The following MED12 variants were observed in gnomAD, a reference collection of about 807,000 sequenced individuals.
MED12 encodes the protein mediator complex subunit 12.
A neutral mutation model predicts 177.7 loss-of-function variants in MED12; 10 were observed. The observed-to-expected ratio is 0.06, with a 90% CI of 0.03 to 0.10. The LOEUF is 0.10. Among genes scored for constraint, MED12 ranks in the 10% least tolerant of loss-of-function variants. The pLI is 1.00. For synonymous variants in MED12, 641 were observed against 678.4 expected, an observed-to-expected ratio of 0.94 and a Z score of 0.86; for missense variants, 867 against 1,780.8, an observed-to-expected ratio of 0.49 and a Z score of 9.23.
In MED12 at chrX:71,122,766, T is replaced by A. The variant is rs764293738; in HGVS notation, c.1377T>A (p.Thr459=). ...TCACCATTGGACGGGTACTTCATAC[T>A]TTGGAAGTGCTGGACAGCCATAGTT... ...AGFTIGRVLH[T]LEVLDSHSFE... is the part of the protein sequence containing the mutation. Residue 459 remains threonine, a synonymous_variant, in exon 10 of 45, where the codon ACT becomes ACA. Transcript: ENST00000374080. 8.3e-7 allele frequency: 1 copy of A among 1,211,793 alleles called. No homozygotes were observed. The highest frequency in any genetic ancestry group is 1.1e-6 in the Non-Finnish European group (1 of 895,424).
intron 4 of MED12, 78 bp downstream of exon 4, chrX:71,120,248 C>T (rs1046331571): frequency 3.0e-4 from 312 of 1,026,755 alleles, no homozygotes; most frequent in Middle Eastern, 2.8e-4. Flanking sequence ...CATCCTCCTT[C>T]TTAATCTAGA....
At chrX:71,130,494 GGGCCGT>G (rs947958392) in intron 28 of MED12, among the ~76,000 whole-genome samples, 1 of 112,723 alleles carries the variant, frequency 8.9e-6, no homozygotes, top group Non-Finnish European at 1.9e-5. Context: ...GCCTAGGTGT[GGGCCGT>G]GTATATTTGG....
At position 71,128,022 on chromosome X, in the gene MED12, G is replaced by A. The variant is rs185658730; in HGVS notation, c.3111G>A (p.Thr1037=). The change falls in exon 22 of 45, where the codon ACG becomes ACA. Residue 1037 remains threonine, a synonymous_variant. Transcript: ENST00000374080. ...ENPAAHTFTY[T]GLGKSLSENP... Reference sequence around the variant, plus strand: ...CTGCAGCTCACACCTTCACCTACACGGGGCTAGGCAAGAGTCTTAGTGAGA... The same window carrying A: ...CTGCAGCTCACACCTTCACCTACACAGGGCTAGGCAAGAGTCTTAGTGAGA... The A allele has an allele frequency of 2.2e-5, 27 of 1,209,155 alleles. No individual in the cohort carries two copies. The highest frequency in any genetic ancestry group is 1.9e-4 in the African/African-American group (11 of 56,977).
Position 71,123,343 on chromosome X carries a change from A to G in MED12, c.1617+117A>G, listed in dbSNP as rs190007999. On this transcript the variant is annotated intron_variant, in intron 11 of 44. Transcript: ENST00000374080. ...GAGTTGAAGGTGTGAGAACAGAGTAAAGAAGCAAAAGAGAACCTAAAGGCA... is the reference window on the plus strand; with the variant it reads ...GAGTTGAAGGTGTGAGAACAGAGTAGAGAAGCAAAAGAGAACCTAAAGGCA... 1,268 of 1,012,167 alleles carry G rather than the reference A, an allele frequency of 1.3e-3. 10 individuals carry two copies. In the African/African-American group the frequency reaches 0.019, roughly 15 times the overall value. The allele number at this position is 1,012,167 out of a possible 1,213,427, so 83.4% of individuals were successfully genotyped here.
intron 31 of MED12, 137 bp downstream of exon 31, chrX:71,132,675 C>A: frequency 1.1e-6 from 1 of 894,074 alleles, no homozygotes; most frequent in Non-Finnish European, 1.6e-6. Flanking sequence ...CATGGCTGAG[C>A]AAGAGGCTAG....
At position 71,140,687 on chromosome X, in the gene MED12, A is replaced by G. The variant is rs372606012; in HGVS notation, c.6097A>G (p.Met2033Val). 4.9e-5 allele frequency: 59 copies of G among 1,207,745 alleles called. No homozygotes were observed. Among genetic ancestry groups the G allele is most frequent in the South Asian group, 1.9e-4 (11 of 56,641 alleles). ...ACCCATGATAAGTACCATGACTCCA[A>G]TGAGTGCCCAGGGCGTCCAGGCAGG... ...QTPMISTMTP[M>V]SAQGVQAGVR... is the part of the protein sequence containing the mutation. Residue 2033 changes from methionine (M) to valine (V), a missense_variant, in exon 42 of 45, where the codon ATG becomes GTG. Around this residue, in one of 14 missense-constraint regions of MED12, gnomAD observed 236 missense variants for 345.2 expected, o/e 0.68. Transcript: ENST00000374080.
At chrX:71,119,612 C>A in intron 2 of MED12, 74 bp from the exon 3 acceptor site, 1 of 1,137,251 alleles carries the variant, frequency 8.8e-7, no homozygotes, top group Non-Finnish European at 1.2e-6. Context: ...ATCTCATTGG[C>A]ATTTGCCCAG....
rs2092327006 is a variant in MED12, at chrX:71,134,391, C to T, written c.4652C>T (p.Thr1551Ile). 3 of 1,165,322 alleles carry T rather than the reference C, an allele frequency of 2.6e-6. No individual in the cohort carries two copies. Among genetic ancestry groups the T allele is most frequent in the South Asian group, 1.9e-5 (1 of 52,596 alleles). ...GGMFDTVQRSTQQTTEWAMLL... is the reference protein window; with the variant it reads ...GGMFDTVQRSIQQTTEWAMLL... ...ATGTTTGACACGGTGCAGCGCAGCA[C>T]CCAGCAGACCACGGAGTGGGCCATG... Residue 1551 changes from threonine to isoleucine, a missense_variant, in exon 34 of 45, where the codon ACC becomes ATC. Coordinates refer to ENST00000374080, the MANE Select transcript of MED12 (RefSeq NM_005120.3).
At chrX:71,125,623 G>T in intron 16 of MED12, 40 bp from the exon 17 acceptor site, 1 of 1,192,648 alleles carries the variant, frequency 8.4e-7, no homozygotes, top group Non-Finnish European at 1.1e-6. Flanking sequence ...GAGAGCTCTA[G>T]TCCTTTTGAA....
chrX:71,127,199 A>G, intron 20 of MED12, 67 bp downstream of exon 20: 1 of 1,146,110 alleles, frequency 8.7e-7, no homozygotes, highest in Non-Finnish European at 1.2e-6. Context: ...GCCTGGGAAG[A>G]GCATGCACTT....
In MED12 at chrX:71,128,128, G is replaced by T. The variant is rs746159396; in HGVS notation, c.3209+8G>T. 1.7e-6 allele frequency: 2 copies of T among 1,202,809 alleles called. No homozygotes were observed. The highest frequency in any genetic ancestry group is 1.1e-6 in the Non-Finnish European group (1 of 888,074). ...GCACCATGATCCCGATAGGTATGGG[G>T]TGTACTGAGTGAGGAAGGGCACCAT... On this transcript the variant is annotated splice_region_variant and intron_variant, in intron 22 of 44. Coordinates refer to ENST00000374080, the MANE Select transcript of MED12 (RefSeq NM_005120.3).
intron 4 of MED12, among the ~76,000 whole-genome samples, 157 bp from the exon 5 acceptor site, chrX:71,120,814 T>C (rs888146288): frequency 6.3e-5 from 7 of 111,510 alleles, no homozygotes; most frequent in Non-Finnish European, 1.3e-4. Flanking sequence ...TTCACCATCT[T>C]GGCCAGGCTG....
At chrX:71,137,681 C>G (rs2092336165) in intron 40 of MED12, 45 bp from the exon 41 acceptor site, 8 of 1,201,269 alleles carry the variant, frequency 6.7e-6, no homozygotes, top group Non-Finnish European at 9.0e-6. Context: ...GCAAGCTGCT[C>G]TGCATACTCT....
chrX:71,128,365 A>G lies in MED12; in HGVS notation c.3279A>G (p.Leu1093=). 1 of 1,211,677 alleles carries G rather than the reference A, an allele frequency of 8.3e-7. No homozygotes were observed. Among genetic ancestry groups the G allele is most frequent in the Non-Finnish European group, 1.1e-6 (1 of 895,436 alleles). Residue 1093 remains leucine, a synonymous_variant, in exon 23 of 45, where the codon CTA becomes CTG. Coordinates refer to ENST00000374080, the MANE Select transcript of MED12 (RefSeq NM_005120.3). ...GYCKSLSAEW[L]GVLKALCCSS... ...GCAAGTCACTGAGTGCAGAATGGCT[A>G]GGAGTGCTTAAGGCCTTGTGCTGCT...
intron 18 of MED12, 91 bp downstream of exon 18, chrX:71,126,245 A>C: frequency 8.6e-7 from 1 of 1,167,307 alleles, no homozygotes; most frequent in Non-Finnish European, 1.2e-6. Context: ...AGGCAGGCTA[A>C]GCCTCCTGGT....
chrX:71,137,519 C>T (rs1370163980), intron 39 of MED12, 39 bp from the exon 40 acceptor site: 10 of 1,178,567 alleles, frequency 8.5e-6, no homozygotes, highest in Non-Finnish European at 1.2e-5. Flanking sequence ...TGGCAGCAAG[C>T]ATTTCCTGAG....
chrX:71,141,501 T>C, intron 43 of MED12, 131 bp downstream of exon 43: 5 of 914,217 alleles, frequency 5.5e-6, no homozygotes, highest in African/African-American at 2.0e-5. Context: ...TAAAAATGGA[T>C]TGGGAGGCCA....
At position 71,128,624 on chromosome X, in the gene MED12, G is replaced by A. The variant is rs369946933; in HGVS notation, c.3381G>A (p.Ser1127=). The A allele has an allele frequency of 4.1e-6, 5 of 1,208,746 alleles. No individual in the cohort carries two copies. Among genetic ancestry groups the A allele is most frequent in the Non-Finnish European group, 4.5e-6 (4 of 894,908 alleles). The stretch of plus-strand genomic sequence containing the variant: ...TCAGTGACCTATCTTTTCATGACTC[G>A]CTGGCTACTTTTGTTGCCATCCTCA... ...VDVSDLSFHD[S]LATFVAILIA... is the part of the protein sequence containing the mutation. The change falls in exon 24 of 45, where the codon TCG becomes TCA. Residue 1127 remains serine (S), a synonymous_variant. Coordinates refer to ENST00000374080, the MANE Select transcript of MED12 (RefSeq NM_005120.3).
At chrX:71,122,472 G>A in intron 8 of MED12, 36 bp from the exon 9 acceptor site, 1 of 1,194,247 alleles carries the variant, frequency 8.4e-7, no homozygotes, top group Non-Finnish European at 1.1e-6. Flanking sequence ...TATATGCCTT[G>A]GTACATCCTT....
Sources: gnomAD v4.1 joint callset for allele counts (sites outside exome capture counted in the v4.1 genomes callset) on GRCh38, gnomAD v4.1.1 for gene constraint, gnomAD v4.1.1 regional missense constraint, MANE v1.5 for transcripts, NCBI Gene and HGNC (gene_info 2026-07-23, HGNC 2026-07-21) for gene names.